KCND3: variants seen among roughly 807,000 people sequenced by gnomAD.
The protein encoded by KCND3 is A-type voltage-gated potassium channel KCND3.
A neutral mutation model predicts 51.1 loss-of-function variants in KCND3; 9 were observed. The observed-to-expected ratio is 0.18, with a 90% CI of 0.11 to 0.31. The LOEUF is 0.31. KCND3 is among the 10% of genes least tolerant of loss of function. KCND3 has a pLI of 1.00. For synonymous variants in KCND3, 349 were observed against 368.0 expected (o/e 0.95, Z 0.59); for missense variants, 526 against 903.8 (o/e 0.58, Z 5.36).
chr1:111,983,925 A>G (rs916849963), intron 1 of KCND3, among the ~76,000 whole-genome samples: 1 of 152,206 alleles, frequency 6.6e-6, no homozygotes, highest in South Asian at 2.1e-4. Flanking sequence ...TGGCTTTTTA[A>G]AGATGATAGT....
At chr1:111,847,338 G>A (rs77170495) in intron 2 of KCND3, among the ~76,000 whole-genome samples, 2,725 of 152,276 alleles carry the variant, frequency 0.018, 29 homozygotes, top group Middle Eastern at 0.024. Context: ...GAGGAAAAGC[G>A]TGTGAGTGTG....
chr1:111,947,062 A>G (rs1445872223), intron 2 of KCND3, among the ~76,000 whole-genome samples: 1 of 151,674 alleles, frequency 6.6e-6, no homozygotes, highest in African/African-American at 2.4e-5. Flanking sequence ...GTTTTTTTTT[A>G]AGCCATTCAG....
chr1:111,961,999 C>T (rs1200614787), intron 2 of KCND3, among the ~76,000 whole-genome samples: 2 of 152,136 alleles, frequency 1.3e-5, no homozygotes, highest in African/African-American at 4.8e-5. Context: ...CTGGGTGAGC[C>T]AAGAGTTATT....
chr1:111,972,603 T>TA (rs938093430), intron 2 of KCND3, among the ~76,000 whole-genome samples: 3 of 152,382 alleles, frequency 2.0e-5, no homozygotes, highest in South Asian at 2.1e-4. Flanking sequence ...TTGGTCTAGC[T>TA]AAAATCTCTT....
intron 2 of KCND3, among the ~76,000 whole-genome samples, chr1:111,889,188 C>T (rs1449611056): frequency 6.6e-6 from 1 of 152,222 alleles, no homozygotes; most frequent in Non-Finnish European, 1.5e-5. Flanking sequence ...ACAGACATAA[C>T]CACCATAAGT....
chr1:111,921,562 C>T (rs980369820), intron 2 of KCND3, among the ~76,000 whole-genome samples: 18 of 152,182 alleles, frequency 1.2e-4, no homozygotes, highest in African/African-American at 4.1e-4. Flanking sequence ...TGAGGGGCTG[C>T]CCAGCAGCAG....
chr1:111,987,373 T>C (rs1675340790), intron 1 of KCND3, among the ~76,000 whole-genome samples: 1 of 152,188 alleles, frequency 6.6e-6, no homozygotes, highest in South Asian at 2.1e-4. Context: ...GTTTACCCCA[T>C]GCGTGAATCC....
chr1:111,831,487 C>A (rs1182353553), intron 2 of KCND3, among the ~76,000 whole-genome samples: 2 of 152,182 alleles, frequency 1.3e-5, no homozygotes, highest in African/African-American at 4.8e-5. Flanking sequence ...GAGGCCTCCC[C>A]AGCCATGCTC....
At chr1:111,889,160 C>G (rs913240606) in intron 2 of KCND3, among the ~76,000 whole-genome samples, 10 of 152,184 alleles carry the variant, frequency 6.6e-5, no homozygotes, top group African/African-American at 2.4e-4. Flanking sequence ...CTGCTCTTCC[C>G]CGGACCAGCC....
intron 2 of KCND3, among the ~76,000 whole-genome samples, chr1:111,876,383 C>A (rs2101726611): frequency 6.6e-6 from 1 of 152,324 alleles, no homozygotes; most frequent in African/African-American, 2.4e-5. Context: ...GCCTATGAAG[C>A]ACTCAGCACT....
rs543074412 is a variant in KCND3 at position 111,825,349 on chromosome 1, G to A, written c.1107-38243C>T. Among the ~76,000 whole-genome samples, 7 of 152,150 alleles carry A rather than the reference G, an allele frequency of 4.6e-5. No individual in the cohort carries two copies. The East Asian group carries it at 5.8e-4, about 13-fold the overall frequency. On this transcript the variant is annotated intron_variant, in intron 2 of 7. Transcript: ENST00000302127. ...TCAGCTCAGGTTGTTCTTAAATGCCGCACATACTTCCCAGGCAGCACACTA... is the reference window on the plus strand; with the variant it reads ...TCAGCTCAGGTTGTTCTTAAATGCCACACATACTTCCCAGGCAGCACACTA...
intron 2 of KCND3, among the ~76,000 whole-genome samples, chr1:111,977,791 G>A (rs1674721682): frequency 6.6e-6 from 1 of 152,166 alleles, no homozygotes; most frequent in Non-Finnish European, 1.5e-5. Context: ...AGTTAAGAAG[G>A]GAAATCTGCT....
intron 2 of KCND3, among the ~76,000 whole-genome samples, chr1:111,962,934 G>A (rs1291429138): frequency 2.0e-5 from 3 of 152,176 alleles, no homozygotes; most frequent in Non-Finnish European, 4.4e-5. Context: ...TTGGCCTGTC[G>A]TGCAGCTCTT....
At chr1:111,857,543 AC>A (rs1668136048) in intron 2 of KCND3, among the ~76,000 whole-genome samples, 1 of 152,140 alleles carries the variant, frequency 6.6e-6, no homozygotes, top group African/African-American at 2.4e-5. Context: ...AGTCAGAAGA[AC>A]AGTGTGGTGA....
intron 6 of KCND3, 45 bp downstream of exon 6, chr1:111,778,391 A>G: frequency 6.4e-7 from 1 of 1,559,024 alleles, no homozygotes; most frequent in Non-Finnish European, 8.9e-7. Flanking sequence ...CAGACTCAGA[A>G]TTATCAGAGA....
At chr1:111,917,951 C>A (rs190526778) in intron 2 of KCND3, among the ~76,000 whole-genome samples, 1 of 152,314 alleles carries the variant, frequency 6.6e-6, no homozygotes, top group East Asian at 1.9e-4. Context: ...TGGTAGTCTA[C>A]GAGGCACTGG....
At chr1:111,844,347 T>G (rs900296933) in intron 2 of KCND3, among the ~76,000 whole-genome samples, 1 of 152,188 alleles carries the variant, frequency 6.6e-6, no homozygotes, top group Non-Finnish European at 1.5e-5. Context: ...TTATTATTCC[T>G]ATTTCCATTT....
At chr1:111,812,324 A>T (rs1055459545) in intron 2 of KCND3, among the ~76,000 whole-genome samples, 8 of 152,112 alleles carry the variant, frequency 5.3e-5, no homozygotes, top group Non-Finnish European at 1.0e-4. Context: ...TGCATGGGGA[A>T]TTAGGGGAAA....
At chr1:111,903,910 A>G (rs1318295341) in intron 2 of KCND3, among the ~76,000 whole-genome samples, 1 of 152,012 alleles carries the variant, frequency 6.6e-6, no homozygotes, top group Non-Finnish European at 1.5e-5. Flanking sequence ...GGTCTTTCTT[A>G]TCTTACAATG....
Sources: allele counts gnomAD v4.1 joint callset (sites outside exome capture counted in the v4.1 genomes callset), GRCh38; gene constraint gnomAD v4.1.1; transcripts MANE v1.5; gene names NCBI Gene and HGNC (gene_info 2026-07-23, HGNC 2026-07-21).